COL5A2: variants seen among roughly 807,000 people sequenced by gnomAD.
The protein encoded by COL5A2 is collagen type V alpha 2 chain, also known as collagen alpha-2(V) chain.
A neutral mutation model predicts 208.2 loss-of-function variants in COL5A2; 23 were observed. The observed-to-expected ratio is 0.11, with a 90% confidence interval of 0.08 to 0.16. The LOEUF (loss-of-function observed/expected upper bound fraction) is 0.16. Among genes scored for constraint, COL5A2 ranks in the 10% least tolerant of loss-of-function variants. COL5A2 has a pLI of 1.00. For synonymous variants in COL5A2, 625 were observed against 628.5 expected, an observed-to-expected ratio of 0.99 and a Z score of 0.08; for missense variants, 1,590 against 1,956.4, an observed-to-expected ratio of 0.81 and a Z score of 3.53.
the COL5A2 span, among the ~76,000 whole-genome samples, chr2:189,312,775 A>C: frequency 1.3e-5 from 2 of 152,118 alleles, no homozygotes; most frequent in African/African-American, 4.8e-5. Context: ...CACTGGTGAT[A>C]CGTCTAGGTA....
the COL5A2 span, among the ~76,000 whole-genome samples, chr2:189,441,029 A>G: frequency 6.6e-6 from 1 of 152,186 alleles, no homozygotes; most frequent in Non-Finnish European, 1.5e-5. Flanking sequence ...CTACCTTTCC[A>G]CCCAATAACT....
At chr2:189,273,895 T>C in the COL5A2 span, among the ~76,000 whole-genome samples, 1 of 152,056 alleles carries the variant, frequency 6.6e-6, no homozygotes, top group Non-Finnish European at 1.5e-5. Context: ...AAAATTTGAC[T>C]TAGGGAGAAG....
At chr2:189,230,387 C>A in the COL5A2 span, among the ~76,000 whole-genome samples, 1 of 151,690 alleles carries the variant, frequency 6.6e-6, no homozygotes, top group Non-Finnish European at 1.5e-5. Context: ...CAAAAGGCAG[C>A]CCACAGAATG....
At chr2:189,409,272 C>T in the COL5A2 span, among the ~76,000 whole-genome samples, 1 of 138,464 alleles carries the variant, frequency 7.2e-6, no homozygotes, top group East Asian at 2.1e-4. Context: ...AATACAGTCG[C>T]ATGATCATAG....
In COL5A2 at chr2:189,134,244, T is replaced by C. The variant is rs181234288; in HGVS notation, c.98-23795A>G. 5.1e-3 allele frequency among the ~76,000 whole-genome samples: 783 copies of C among 152,306 alleles called. 7 individuals carry two copies. Among genetic ancestry groups the C allele is most frequent in the Non-Finnish European group, 8.2e-3 (561 of 68,020 alleles). On this transcript the variant is annotated intron_variant, in intron 1 of 53. Transcript: ENST00000374866. ...AAGCCTGAAAATTCCTCTAAGGTAG[T>C]TGGCAATATAAATATAACCTTTTGG...
the COL5A2 span, among the ~76,000 whole-genome samples, chr2:189,265,522 C>T: frequency 6.6e-6 from 1 of 152,068 alleles, no homozygotes; most frequent in Admixed American, 6.6e-5. Context: ...GGATTAGGGC[C>T]CATCCTAATC....
chr2:189,068,938 G>A, intron 18 of COL5A2, 54 bp from the exon 19 acceptor site: 1 of 1,218,466 alleles, frequency 8.2e-7, no homozygotes, highest in South Asian at 1.2e-5. Flanking sequence ...GAGTGGCATT[G>A]TACAAAGTTG....
chr2:189,326,005 G>A, the COL5A2 span, among the ~76,000 whole-genome samples: 5 of 151,176 alleles, frequency 3.3e-5, no homozygotes, highest in African/African-American at 9.8e-5. Context: ...GCTGAGGCAG[G>A]AGAATTGCTT....
the COL5A2 span, among the ~76,000 whole-genome samples, chr2:189,336,341 G>T: frequency 6.6e-6 from 1 of 152,152 alleles, no homozygotes; most frequent in East Asian, 1.9e-4. Flanking sequence ...TTAACATAGG[G>T]TTCTGTGATG....
chr2:189,175,861 T>G (rs1161195317), intron 1 of COL5A2, among the ~76,000 whole-genome samples: 2 of 152,108 alleles, frequency 1.3e-5, no homozygotes, highest in Admixed American at 1.3e-4. Flanking sequence ...CCAGAAAACC[T>G]TTTTTTGTTT....
chr2:189,169,790 C>A (rs531257606), intron 1 of COL5A2, among the ~76,000 whole-genome samples: 2 of 152,352 alleles, frequency 1.3e-5, no homozygotes, highest in Non-Finnish European at 2.9e-5. Context: ...CAGCTCACTG[C>A]AACCTCGCCT....
Position 189,050,681 on chromosome 2 carries a change from T to G in COL5A2, c.2932-5A>C. ...ACCAGGGGGGCCATCTGGACCCTAATGTTGAGGACAAACTAAAATCAGAAA... is the reference window on the plus strand; with the variant it reads ...ACCAGGGGGGCCATCTGGACCCTAAGGTTGAGGACAAACTAAAATCAGAAA... On this transcript the variant is annotated splice_polypyrimidine_tract_variant and splice_region_variant and intron_variant, in intron 42 of 53. Coordinates refer to ENST00000374866, the MANE Select transcript of COL5A2 (RefSeq NM_000393.5). The G allele has an allele frequency of 6.4e-7, 1 of 1,550,512 alleles. No individual in the cohort carries two copies.
intron 16 of COL5A2, among the ~76,000 whole-genome samples, chr2:189,075,888 T>G (rs1372702147): frequency 2.0e-5 from 3 of 152,176 alleles, no homozygotes; most frequent in African/African-American, 7.2e-5. Flanking sequence ...GTATTCATCC[T>G]GCCAGCTGGA....
intron 50 of COL5A2, among the ~76,000 whole-genome samples, 171 bp from the exon 51 acceptor site, chr2:189,039,734 A>T (rs548628861): frequency 6.6e-6 from 1 of 152,152 alleles, no homozygotes; most frequent in East Asian, 1.9e-4. Context: ...AGGCTGTAAC[A>T]TTCAAGGATG....
chr2:189,283,634 T>A, the COL5A2 span, among the ~76,000 whole-genome samples: 2 of 151,940 alleles, frequency 1.3e-5, no homozygotes, highest in Non-Finnish European at 2.9e-5. Context: ...AGGGGGATTT[T>A]AGGAAAAAAC....
In COL5A2 at chr2:189,190,124, T is replaced by C. The variant is rs561128255; in HGVS notation, c.-42+35024A>G. On this transcript the variant is annotated intron_variant, in intron 1 of 10. Transcript: ENST00000649966. ...ACTTCCTACAAAAAAGGGGGGGTCA[T>C]TTTTAATACACAGTAAATACTAAAG... Among the ~76,000 whole-genome samples, 8 of 152,208 alleles carry C rather than the reference T, an allele frequency of 5.3e-5. No individual in the cohort carries two copies. The East Asian group carries it at 1.2e-3, about 22-fold the overall frequency.
chr2:189,191,893 GAA>G (rs762869075), intron 1 of COL5A2, among the ~76,000 whole-genome samples: 1 of 140,570 alleles, frequency 7.1e-6, no homozygotes, highest in Admixed American at 7.1e-5. Flanking sequence ...ACTCTTGTAA[GAA>G]AAAAAAAAAA....
At chr2:189,357,154 T>C in the COL5A2 span, among the ~76,000 whole-genome samples, 1 of 152,224 alleles carries the variant, frequency 6.6e-6, no homozygotes, top group Non-Finnish European at 1.5e-5. Flanking sequence ...AGCTCTCCTG[T>C]AGGAGATGTC....
chr2:189,371,588 T>C, the COL5A2 span, among the ~76,000 whole-genome samples: 2 of 152,204 alleles, frequency 1.3e-5, no homozygotes, highest in East Asian at 1.9e-4. Flanking sequence ...AGCAAAGAGT[T>C]TGGCAACACT....
Sources: allele counts gnomAD v4.1 joint callset (sites outside exome capture counted in the v4.1 genomes callset), GRCh38; gene constraint gnomAD v4.1.1; transcripts MANE v1.5; gene names NCBI Gene and HGNC (gene_info 2026-07-23, HGNC 2026-07-21).